The following PALM variants were observed in gnomAD, a reference collection of about 807,000 sequenced individuals.
PALM encodes the protein paralemmin.
In PALM, 18 loss-of-function variants were observed where a neutral mutation model predicts 30.7. The ratio of observed to expected loss-of-function variants is 0.59; its 90% CI spans 0.41 to 0.87. The LOEUF (loss-of-function observed/expected upper bound fraction) is 0.87. Among genes scored for constraint, PALM ranks in the 40% least tolerant of loss-of-function variants. The pLI, the probability that PALM is intolerant of heterozygous loss-of-function variation, is 0.00. For missense variants in PALM, 529 were observed against 555.4 expected, an observed-to-expected ratio of 0.95 and a Z score of 0.48; for synonymous variants, 286 against 242.8, an observed-to-expected ratio of 1.18 and a Z score of -1.66.
At position 742,710 on chromosome 19, in the gene PALM, G is replaced by A. The variant is rs765071438; in HGVS notation, c.634+2227G>A. 1.3e-5 allele frequency among the ~76,000 whole-genome samples: 2 copies of A among 152,166 alleles called. No homozygotes were observed. Among genetic ancestry groups the A allele is most frequent in the Non-Finnish European group, 2.9e-5 (2 of 68,036 alleles). ...GGGCGTGACGTCCCCAAGGTGCATC[G>A]GCACTGTGGCCTGGGTCGGAGCCTG... On this transcript the variant is annotated intron_variant, in intron 8 of 8. Coordinates refer to ENST00000338448, the MANE Select transcript of PALM (RefSeq NM_002579.3). This position sits in a 1 kb window ranked among gnomAD's most constrained non-coding sequence, Gnocchi z 5.5.
At chr19:727,448 C>A (rs79721592) in intron 3 of PALM, 116 bp from the exon 4 acceptor site, 75,076 of 796,038 alleles carry the variant, frequency 0.094, 4,703 homozygotes, top group East Asian at 0.29. Context: ...ATAACCCTGA[C>A]CCCAACCTTG....
In PALM at chr19:709,613, C is replaced by A. The variant is rs922657755; in HGVS notation, c.5+462C>A. ...CGCACGGCTCCTGGCGCCCTGGACGCGCGCGCGGGCCGGTGCCCCCCACCC... is the reference window on the plus strand; with the variant it reads ...CGCACGGCTCCTGGCGCCCTGGACGAGCGCGCGGGCCGGTGCCCCCCACCC... On this transcript the variant is annotated intron_variant, in intron 1 of 8. Coordinates refer to ENST00000338448, the MANE Select transcript of PALM (RefSeq NM_002579.3). The surrounding 1 kb of genome is among the most constrained non-coding windows in gnomAD (Gnocchi z 4.3). Among the ~76,000 whole-genome samples, 23 of 152,020 alleles carry A rather than the reference C, an allele frequency of 1.5e-4. No individual in the cohort carries two copies. The highest frequency in any genetic ancestry group is 5.3e-4 in the African/African-American group (22 of 41,510).
At position 713,914 on chromosome 19, in the gene PALM, T is replaced by TC. The variant is rs746469274; in HGVS notation, c.5+4763_5+4764insC. On this transcript the variant is annotated intron_variant, in intron 1 of 8. Coordinates refer to ENST00000338448, the MANE Select transcript of PALM (RefSeq NM_002579.3). ...TTTTTTTCTTTCTTTCTTTCTTTTT[T>TC]TTTTTTTTGAGACAGAGTCTCGCTC... Among the ~76,000 whole-genome samples the TC allele has an allele frequency of 2.7e-3, 395 of 146,906 alleles. 1 individual carries two copies. Among genetic ancestry groups the TC allele is most frequent in the Non-Finnish European group, 3.3e-3 (220 of 66,698 alleles).
At chr19:738,265 C>A (rs185656931) in intron 7 of PALM, among the ~76,000 whole-genome samples, 5 of 151,890 alleles carry the variant, frequency 3.3e-5, no homozygotes, top group Admixed American at 6.6e-5. Context: ...GGTGGCTCAC[C>A]CCTGTAATCC....
chr19:712,865 A>G (rs1364149393), intron 1 of PALM, among the ~76,000 whole-genome samples: 6 of 152,072 alleles, frequency 3.9e-5, no homozygotes, highest in Non-Finnish European at 7.3e-5. Context: ...TAGTAGAGAC[A>G]AGGTTTCGCC....
rs1385074380 is a variant in PALM at position 746,142 on chromosome 19, C to T, written c.635-143C>T. Reference sequence around the variant, plus strand: ...GGCTTTAATTGTCTGTCAGTTCTGACGGTGTAATCTAGTTCGTGATTTCCT... The same window carrying T: ...GGCTTTAATTGTCTGTCAGTTCTGATGGTGTAATCTAGTTCGTGATTTCCT... On this transcript the variant is annotated intron_variant, in intron 8 of 8. Transcript: ENST00000338448. The surrounding 1 kb of genome is among the most constrained non-coding windows in gnomAD (Gnocchi z 7.1). 17 of 632,988 alleles carry T rather than the reference C, an allele frequency of 2.7e-5. No individual in the cohort carries two copies. The highest frequency in any genetic ancestry group is 9.2e-5 in the African/African-American group (5 of 54,352). The allele number at this position is 632,988 out of a possible 1,614,324, so 39.2% of individuals were successfully genotyped here. A position where few individuals can be genotyped will look rare whatever the true frequency, so the allele number is the denominator to read the frequency against.
rs2033363781 is a variant in PALM, at chr19:746,846, C to T, written c.*32C>T. The T allele has an allele frequency of 7.6e-7, 1 of 1,317,244 alleles. No individual in the cohort carries two copies. Among genetic ancestry groups the T allele is most frequent in the Non-Finnish European group, 1.0e-6 (1 of 972,108 alleles). The allele number at this position is 1,317,244 out of a possible 1,614,324, so 81.6% of individuals were successfully genotyped here. On this transcript the variant is annotated 3_prime_UTR_variant, in exon 9 of 9. Transcript: ENST00000338448. The surrounding 1 kb of genome is among the most constrained non-coding windows in gnomAD (Gnocchi z 7.1). ...CCCCGAGACCCCGGCCCCCACCCCA[C>T]ACCACAGACACCCACCAGCCCGGCC...
Position 709,042 on chromosome 19 carries a change from C to T in PALM, c.-105C>T, listed in dbSNP as rs867808795. 3,752 of 173,542 alleles carry T rather than the reference C, an allele frequency of 0.022. 167 individuals carry two copies. The highest frequency in any genetic ancestry group is 0.085 in the African/African-American group (3,508 of 41,324). 10.8% of individuals were successfully genotyped at this position (173,542 alleles called of 1,614,324 possible). A position where few individuals can be genotyped will look rare whatever the true frequency, so the allele number is the denominator to read the frequency against. Reference sequence around the variant, plus strand: ...GCCCCGGCCGCCAGGCCTTAGCCCGCCCCGGCCCCCGCCAGGCCGCGTCCC... The same window carrying T: ...GCCCCGGCCGCCAGGCCTTAGCCCGTCCCGGCCCCCGCCAGGCCGCGTCCC... On this transcript the variant is annotated 5_prime_UTR_variant, in exon 1 of 9. Transcript: ENST00000338448. The surrounding 1 kb of genome is among the most constrained non-coding windows in gnomAD (Gnocchi z 4.3).
At chr19:721,166 C>T (rs982464849) in intron 1 of PALM, among the ~76,000 whole-genome samples, 4 of 152,196 alleles carry the variant, frequency 2.6e-5, no homozygotes, top group African/African-American at 4.8e-5. Context: ...AGTAGACCAA[C>T]GGGGGAAGTG....
At chr19:734,074 C>CTG in intron 5 of PALM, 99 bp from the exon 6 acceptor site, 1 of 1,055,634 alleles carries the variant, frequency 9.5e-7, no homozygotes, top group Non-Finnish European at 1.5e-6. Flanking sequence ...ATGACGTCAC[C>CTG]CACTGTGCCA....
chr19:727,976 G>A lies in PALM; in HGVS notation c.269+282G>A, dbSNP rs548321262. 1.3e-3 allele frequency: 470 copies of A among 358,110 alleles called. 1 individual carries two copies. The highest frequency in any genetic ancestry group is 2.0e-3 in the Admixed American group (45 of 22,478). The allele number at this position is 358,110 out of a possible 1,614,324, so 22.2% of individuals were successfully genotyped here. A position where few individuals can be genotyped will look rare whatever the true frequency, so the allele number is the denominator to read the frequency against. On this transcript the variant is annotated intron_variant, in intron 4 of 8. Transcript: ENST00000338448. ...TCCCACCGCCCTCGTTTGAGCCAGC[G>A]AGGGACGTGGCGTCGAGCTCCTGGG...
chr19:729,256 G>A (rs1432308116), intron 4 of PALM, among the ~76,000 whole-genome samples: 3 of 151,648 alleles, frequency 2.0e-5, no homozygotes, highest in South Asian at 4.2e-4. Flanking sequence ...AACCCAGGAG[G>A]CGGAGGTTTC....
rs1335834492 is a variant in PALM, at chr19:708,978, G to GCGATGCCCGAGC, written c.-166_-155dup. The GCGATGCCCGAGC allele has an allele frequency of 6.7e-6, 1 of 148,262 alleles. No individual in the cohort carries two copies. Among genetic ancestry groups the GCGATGCCCGAGC allele is most frequent in the Non-Finnish European group, 1.5e-5 (1 of 66,832 alleles). The allele number at this position is 148,262 out of a possible 1,614,324, so 9.2% of individuals were successfully genotyped here. A position where few individuals can be genotyped will look rare whatever the true frequency, so the allele number is the denominator to read the frequency against. On this transcript the variant is annotated 5_prime_UTR_variant, in exon 1 of 9. The change creates a new upstream start codon in the 5' untranslated region. Transcript: ENST00000338448. ...ACAATAAACAGCAGCTTTGCGCGGG[G>GCGATGCCCGAGC]CGATGCCCGAGCCGGTGCCGCCGCC...
At chr19:711,314 A>C in intron 1 of PALM, 1 of 457,094 alleles carries the variant, frequency 2.2e-6, no homozygotes, top group Non-Finnish European at 2.9e-6. Flanking sequence ...GGTAAAATAA[A>C]GATATTTTGG....
intron 4 of PALM, among the ~76,000 whole-genome samples, chr19:729,979 C>A (rs2032820129): frequency 6.6e-6 from 1 of 152,188 alleles, no homozygotes; most frequent in Non-Finnish European, 1.5e-5. Context: ...GGCTCAGGCC[C>A]CTCGATGGAG....
rs1308965539 is a variant in PALM at position 742,354 on chromosome 19, C to T, written c.634+1871C>T. 2.0e-5 allele frequency among the ~76,000 whole-genome samples: 3 copies of T among 152,200 alleles called. No homozygotes were observed. Among genetic ancestry groups the T allele is most frequent in the African/African-American group, 4.8e-5 (2 of 41,524 alleles). ...GTGCGGTGGCTCACACCTGTAATCC[C>T]GGCACTTTGGGAGGCCGAGGCGGGT... is the stretch of plus-strand genomic sequence containing the variant. On this transcript the variant is annotated intron_variant, in intron 8 of 8. Transcript: ENST00000338448. This position sits in a 1 kb window ranked among gnomAD's most constrained non-coding sequence, Gnocchi z 5.5.
intron 7 of PALM, among the ~76,000 whole-genome samples, chr19:739,422 A>T (rs1159742960): frequency 1.3e-5 from 2 of 152,144 alleles, no homozygotes; most frequent in Non-Finnish European, 2.9e-5. Flanking sequence ...GCTCACGTTT[A>T]TAATCCCAGG....
At chr19:728,144 T>C (rs1271525671) in intron 4 of PALM, among the ~76,000 whole-genome samples, 1 of 152,052 alleles carries the variant, frequency 6.6e-6, no homozygotes, top group Non-Finnish European at 1.5e-5. Context: ...ACGGGATGGA[T>C]GCAGAGCAGC....
chr19:726,104 T>G (rs1417828312), intron 1 of PALM, 34 bp from the exon 2 acceptor site: 2 of 1,563,338 alleles, frequency 1.3e-6, no homozygotes, highest in Non-Finnish European at 1.8e-6. Flanking sequence ...CAGGGCTCAG[T>G]GAACCAGAGC....
Sources: gnomAD v4.1 joint callset for allele counts (sites outside exome capture counted in the v4.1 genomes callset) on GRCh38, gnomAD v4.1.1 for gene constraint, Gnocchi (gnomAD v3.1) non-coding constraint, MANE v1.5 for transcripts, NCBI Gene and HGNC (gene_info 2026-07-23, HGNC 2026-07-21) for gene names.